The following PAPSS1 variants were observed in gnomAD, a reference collection of about 807,000 sequenced individuals.
PAPSS1 encodes 3'-phosphoadenosine 5'-phosphosulfate synthase 1, also known as bifunctional 3'-phosphoadenosine 5'-phosphosulfate synthase 1.
Under a neutral mutation model 72.0 loss-of-function variants are expected in PAPSS1, and 50 were observed. The ratio of observed to expected loss-of-function variants is 0.69; its 90% CI spans 0.55 to 0.88. PAPSS1 has a LOEUF of 0.88. PAPSS1 is among the 40% of genes least tolerant of loss of function. The probability of loss-of-function intolerance (pLI) is 0.00; values close to 1 mark genes in which losing one functional copy is unlikely to be tolerated. For synonymous variants in PAPSS1, 261 were observed against 263.6 expected (o/e 0.99, Z 0.09); for missense variants, 657 against 782.2 (o/e 0.84, Z 1.91).
In PAPSS1 at chr4:107,720,173, T is replaced by C. The variant is rs1363732757; in HGVS notation, c.7A>G (p.Ile3Val). 3 of 1,602,662 alleles carry C rather than the reference T, an allele frequency of 1.9e-6. No individual in the cohort carries two copies. The highest frequency in any genetic ancestry group is 2.6e-6 in the Non-Finnish European group (3 of 1,175,356). Residue 3 changes from isoleucine to valine, a missense_variant, in exon 1 of 12, where the codon ATC becomes GTC. Around this residue, in one of 7 missense-constraint regions of PAPSS1, gnomAD observed 48 missense variants for 31.9 expected, o/e 1.51. Transcript: ENST00000265174. ME[I>V]PGSLCKKVKL... ...ACTTTCTTGCACAGGCTCCCGGGGA[T>C]CTCCATGACCGCGGAGCGCGCTGAG...
chr4:107,703,108 T>C (rs989948475), intron 1 of PAPSS1, among the ~76,000 whole-genome samples: 3 of 152,178 alleles, frequency 2.0e-5, no homozygotes, highest in African/African-American at 7.2e-5. Flanking sequence ...GTTGAGCCGA[T>C]GATTAGAGAA....
intron 9 of PAPSS1, 120 bp downstream of exon 9, chr4:107,653,371 A>G (rs974519476): frequency 1.3e-6 from 1 of 748,316 alleles, no homozygotes; most frequent in Non-Finnish European, 2.0e-6. Flanking sequence ...CTTTCTTTAC[A>G]TATTCCACTG....
At chr4:107,716,672 T>G (rs1312592856) in intron 1 of PAPSS1, among the ~76,000 whole-genome samples, 1 of 146,644 alleles carries the variant, frequency 6.8e-6, no homozygotes, top group African/African-American at 2.4e-5. Flanking sequence ...AAAGATTCAA[T>G]TGGATAGAAA....
chr4:107,704,770 G>A (rs1019554604), intron 1 of PAPSS1, among the ~76,000 whole-genome samples: 1 of 152,092 alleles, frequency 6.6e-6, no homozygotes, highest in Non-Finnish European at 1.5e-5. Context: ...GGCCAATGTG[G>A]AGAAACCCCG....
chr4:107,706,502 G>A (rs991677029), intron 1 of PAPSS1, among the ~76,000 whole-genome samples: 4 of 151,836 alleles, frequency 2.6e-5, no homozygotes, highest in Non-Finnish European at 5.9e-5. Flanking sequence ...TCTCATGTTG[G>A]TCATTTGTTG....
intron 5 of PAPSS1, among the ~76,000 whole-genome samples, chr4:107,663,281 A>G (rs1029771597): frequency 2.6e-5 from 4 of 152,184 alleles, no homozygotes; most frequent in African/African-American, 9.6e-5. Flanking sequence ...TATGAAGTAA[A>G]AAAAGAGGGC....
intron 9 of PAPSS1, among the ~76,000 whole-genome samples, chr4:107,651,298 T>C (rs1453701722): frequency 6.6e-6 from 1 of 152,224 alleles, no homozygotes; most frequent in Non-Finnish European, 1.5e-5. Context: ...CCTCCAGTTC[T>C]TAACCCATTT....
In PAPSS1 at chr4:107,683,430, T is replaced by C. The variant is rs920850878; in HGVS notation, c.551-1297A>G. On this transcript the variant is annotated intron_variant, in intron 4 of 11. Coordinates refer to ENST00000265174, the MANE Select transcript of PAPSS1 (RefSeq NM_005443.5). Reference sequence around the variant, plus strand: ...GCTCTGATTCTCAAATGCGGTGATATACTGGAATCACCAGGTCCCACCCCA... The same window carrying C: ...GCTCTGATTCTCAAATGCGGTGATACACTGGAATCACCAGGTCCCACCCCA... Among the ~76,000 whole-genome samples the C allele has an allele frequency of 5.3e-5, 8 of 152,114 alleles. No individual in the cohort carries two copies. In the South Asian group the frequency reaches 1.0e-3, roughly 20 times the overall value.
At position 107,645,299 on chromosome 4, in the gene PAPSS1, G is replaced by T. The variant is rs112044991; in HGVS notation, c.1238-229C>A. 7.5e-4 allele frequency among the ~76,000 whole-genome samples: 114 copies of T among 151,716 alleles called. 1 individual carries two copies. The highest frequency in any genetic ancestry group is 2.4e-3 in the Admixed American group (37 of 15,260). On this transcript the variant is annotated intron_variant, in intron 9 of 11. Coordinates refer to ENST00000265174, the MANE Select transcript of PAPSS1 (RefSeq NM_005443.5). ...ATTAAGTAAATCATACTTATCTGAGGATATGTACTATAACAATCATGGATT... is the reference window on the plus strand; with the variant it reads ...ATTAAGTAAATCATACTTATCTGAGTATATGTACTATAACAATCATGGATT...
chr4:107,615,580 C>T (rs1212028726), intron 11 of PAPSS1, among the ~76,000 whole-genome samples: 1 of 152,098 alleles, frequency 6.6e-6, no homozygotes, highest in East Asian at 1.9e-4. Flanking sequence ...CATTTTACAA[C>T]AGCAAAATAC....
chr4:107,647,004 T>C (rs1371514006), intron 9 of PAPSS1, among the ~76,000 whole-genome samples: 1 of 152,060 alleles, frequency 6.6e-6, no homozygotes, highest in Non-Finnish European at 1.5e-5. Context: ...AGATCTGTCT[T>C]CAAATAGGTC....
intron 3 of PAPSS1, among the ~76,000 whole-genome samples, chr4:107,692,395 C>T (rs191042085): frequency 2.8e-4 from 42 of 152,272 alleles, no homozygotes; most frequent in Middle Eastern, 6.8e-3. Flanking sequence ...AGCTCAACAT[C>T]ACTGATCATT....
chr4:107,633,906 G>A (rs1184140831), intron 10 of PAPSS1, among the ~76,000 whole-genome samples: 3 of 127,678 alleles, frequency 2.3e-5, no homozygotes, highest in Non-Finnish European at 4.8e-5. Flanking sequence ...GCGAAAGAAC[G>A]AGACTCCGTC....
chr4:107,689,883 C>T (rs952077484), intron 3 of PAPSS1, among the ~76,000 whole-genome samples: 1 of 152,198 alleles, frequency 6.6e-6, no homozygotes, highest in African/African-American at 2.4e-5. Context: ...TACTTCATAA[C>T]TCAGTCATAC....
At chr4:107,630,227 C>T (rs185354652) in intron 11 of PAPSS1, among the ~76,000 whole-genome samples, 2 of 152,198 alleles carry the variant, frequency 1.3e-5, no homozygotes, top group South Asian at 4.1e-4. Context: ...ATAAAGTTTA[C>T]ATTTTTTATT....
At chr4:107,634,402 G>A (rs531294023) in intron 10 of PAPSS1, among the ~76,000 whole-genome samples, 18 of 152,286 alleles carry the variant, frequency 1.2e-4, no homozygotes, top group African/African-American at 2.9e-4. Context: ...AAGGCATCAC[G>A]TACCACAGAT....
intron 11 of PAPSS1, among the ~76,000 whole-genome samples, chr4:107,616,039 C>T (rs1725811859): frequency 6.6e-6 from 1 of 151,736 alleles, no homozygotes; most frequent in Admixed American, 6.6e-5. Context: ...TTTTTTATAG[C>T]AGCCTGAACT....
chr4:107,691,195 C>T (rs567386565), intron 3 of PAPSS1, among the ~76,000 whole-genome samples: 1 of 151,672 alleles, frequency 6.6e-6, no homozygotes, highest in Non-Finnish European at 1.5e-5. Context: ...AAAAAAAAGT[C>T]CAAGTAACCA....
chr4:107,638,712 G>T (rs1726454376), intron 10 of PAPSS1, among the ~76,000 whole-genome samples: 1 of 152,142 alleles, frequency 6.6e-6, no homozygotes, highest in African/African-American at 2.4e-5. Flanking sequence ...TAAAGCACTG[G>T]AAAGTATTTC....
Sources: allele counts gnomAD v4.1 joint callset (sites outside exome capture counted in the v4.1 genomes callset), GRCh38; gene constraint gnomAD v4.1.1; regional missense constraint gnomAD v4.1.1; transcripts MANE v1.5; gene names NCBI Gene and HGNC (gene_info 2026-07-23, HGNC 2026-07-21).